The following PPARGC1A variants were observed in gnomAD, a reference collection of about 807,000 sequenced individuals.
PPARGC1A encodes PPARG coactivator 1 alpha.
In PPARGC1A, 25 loss-of-function variants were observed where a neutral mutation model predicts 88.7. The observed-to-expected ratio is 0.28, with a 90% CI of 0.21 to 0.39. PPARGC1A has a LOEUF of 0.39. PPARGC1A is among the 10% of genes least tolerant of loss of function. The probability of loss-of-function intolerance (pLI) is 1.00; values close to 1 mark genes in which losing one functional copy is unlikely to be tolerated. For synonymous variants in PPARGC1A, 363 were observed against 355.6 expected (o/e 1.02, Z -0.24); for missense variants, 880 against 968.7 (o/e 0.91, Z 1.22).
the PPARGC1A span, among the ~76,000 whole-genome samples, chr4:24,220,097 C>T: frequency 3.3e-5 from 5 of 152,202 alleles, no homozygotes; most frequent in African/African-American, 9.6e-5. Flanking sequence ...AGAAGACATA[C>T]GAGCAGCCAA....
chr4:24,022,787 A>G, the PPARGC1A span, among the ~76,000 whole-genome samples: 1 of 152,228 alleles, frequency 6.6e-6, no homozygotes, highest in Non-Finnish European at 1.5e-5. Flanking sequence ...GTCCCTTTCA[A>G]TGCCAAATGG....
chr4:23,857,108 T>C (rs1236985672), intron 2 of PPARGC1A, among the ~76,000 whole-genome samples: 1 of 151,982 alleles, frequency 6.6e-6, no homozygotes, highest in East Asian at 1.9e-4. Flanking sequence ...TTCTCAGGAA[T>C]AGCAAATACA....
At chr4:24,032,467 C>T in the PPARGC1A span, among the ~76,000 whole-genome samples, 4 of 152,222 alleles carry the variant, frequency 2.6e-5, no homozygotes, top group Admixed American at 2.0e-4. Context: ...GCTACCATTC[C>T]TCCTGACTTG....
intron 10 of PPARGC1A, among the ~76,000 whole-genome samples, chr4:23,807,474 T>C (rs1720025205): frequency 6.6e-6 from 1 of 152,114 alleles, no homozygotes; most frequent in Admixed American, 6.5e-5. Flanking sequence ...ATTTAAAAGG[T>C]AAGATGCAAA....
chr4:23,850,824 T>C (rs927919613), intron 2 of PPARGC1A, among the ~76,000 whole-genome samples: 1 of 152,222 alleles, frequency 6.6e-6, no homozygotes, highest in African/African-American at 2.4e-5. Context: ...CTTAAACATG[T>C]GTCTGAGTAG....
chr4:24,180,783 G>A, the PPARGC1A span, among the ~76,000 whole-genome samples: 2 of 152,148 alleles, frequency 1.3e-5, no homozygotes, highest in African/African-American at 2.4e-5. Flanking sequence ...TCTCATCCAT[G>A]TGAACTAGTC....
At chr4:24,195,772 C>T in the PPARGC1A span, among the ~76,000 whole-genome samples, 1 of 152,036 alleles carries the variant, frequency 6.6e-6, no homozygotes. Flanking sequence ...CCTCGCTATC[C>T]TTATTTTTGT....
the PPARGC1A span, among the ~76,000 whole-genome samples, chr4:24,132,178 A>G: frequency 1.3e-5 from 2 of 152,260 alleles, no homozygotes; most frequent in South Asian, 4.1e-4. Context: ...CAGAGACATG[A>G]AACCTTAGAT....
the PPARGC1A span, among the ~76,000 whole-genome samples, chr4:24,215,574 A>G: frequency 6.6e-6 from 1 of 152,232 alleles, no homozygotes; most frequent in African/African-American, 2.4e-5. Flanking sequence ...AGGGGTTTAC[A>G]TGCAACTTTG....
chr4:24,328,989 T>A, the PPARGC1A span, among the ~76,000 whole-genome samples: 3 of 152,200 alleles, frequency 2.0e-5, no homozygotes, highest in African/African-American at 7.2e-5. Context: ...GGCACCTGTG[T>A]CAGTCTGAGA....
chr4:23,814,040 G>A lies in PPARGC1A; in HGVS notation c.1443C>T (p.Thr481=), dbSNP rs776701526. 7 of 1,613,854 alleles carry A rather than the reference G, an allele frequency of 4.3e-6. No individual in the cohort carries two copies. In the Admixed American group the frequency reaches 5.0e-5, roughly 12 times the overall value. ...QAVFDDEADK[T]GELRDSDFSN... ...TGAAATCACTGTCCCTCAGTTCACC[G>A]GTCTTGTCTGCTTCGTCGTCAAAAA... Residue 481 remains threonine (T), a synonymous_variant, in exon 8 of 13, where the codon ACC becomes ACT. Transcript: ENST00000264867.
At chr4:24,273,958 T>C in the PPARGC1A span, among the ~76,000 whole-genome samples, 1 of 151,808 alleles carries the variant, frequency 6.6e-6, no homozygotes, top group Admixed American at 6.6e-5. Flanking sequence ...CAGGCTGGTC[T>C]CAAACTCCTG....
At chr4:24,061,681 G>A in the PPARGC1A span, among the ~76,000 whole-genome samples, 1 of 152,190 alleles carries the variant, frequency 6.6e-6, no homozygotes, top group African/African-American at 2.4e-5. Context: ...GGTGTCTCCA[G>A]GCTCTTAGGT....
chr4:24,171,978 G>T, the PPARGC1A span, among the ~76,000 whole-genome samples: 1 of 152,124 alleles, frequency 6.6e-6, no homozygotes, highest in Non-Finnish European at 1.5e-5. Flanking sequence ...CCTAGCACAT[G>T]ACTTTCCATA....
the PPARGC1A span, among the ~76,000 whole-genome samples, chr4:24,339,969 C>T: frequency 2.0e-4 from 30 of 152,174 alleles, no homozygotes; most frequent in African/African-American, 7.0e-4. Flanking sequence ...CATCTCCTGA[C>T]CTCGTGATCC....
chr4:24,169,566 T>TA, the PPARGC1A span, among the ~76,000 whole-genome samples: 5,796 of 146,110 alleles, frequency 0.04, 131 homozygotes, highest in African/African-American at 0.048. Context: ...AAAGTTTATT[T>TA]AAAAAAAAAA....
the PPARGC1A span, among the ~76,000 whole-genome samples, chr4:24,463,934 C>A: frequency 6.6e-6 from 1 of 152,252 alleles, no homozygotes; most frequent in Admixed American, 6.5e-5. Context: ...TACTCTCAAT[C>A]ACCAGCCCTT....
the PPARGC1A span, among the ~76,000 whole-genome samples, chr4:24,470,310 ACACACACACACACACT>A: frequency 2.8e-4 from 42 of 148,610 alleles, no homozygotes; most frequent in Admixed American, 9.3e-4. The surrounding 1 kb of genome is among the most constrained non-coding windows in gnomAD (Gnocchi z 5.8). Context: ...ACACACACAC[ACACACACACACACACT>A]CTCTCACACA....
chr4:24,094,003 T>C, the PPARGC1A span, among the ~76,000 whole-genome samples: 1 of 152,192 alleles, frequency 6.6e-6, no homozygotes, highest in Non-Finnish European at 1.5e-5. Flanking sequence ...ATGCCCTTTT[T>C]TGTCCAAGGA....
Sources: allele counts gnomAD v4.1 joint callset (sites outside exome capture counted in the v4.1 genomes callset), GRCh38; gene constraint gnomAD v4.1.1; non-coding constraint Gnocchi (gnomAD v3.1); transcripts MANE v1.5; gene names NCBI Gene and HGNC (gene_info 2026-07-23, HGNC 2026-07-21).